The following COL8A2 variants were observed in gnomAD, a reference collection of about 807,000 sequenced individuals.
The protein encoded by COL8A2 is collagen alpha-2(VIII) chain.
In COL8A2, 16 loss-of-function variants were observed where a neutral mutation model predicts 24.0. That is an observed-to-expected ratio of 0.67 (90% CI 0.45 to 1.01). The LOEUF is 1.01. Ranked by LOEUF, COL8A2 falls within the 50% of genes least tolerant of loss-of-function variation. The pLI is 0.00. For synonymous variants in COL8A2, 466 were observed against 424.5 expected (o/e 1.10, Z -1.20); for missense variants, 818 against 942.4 (o/e 0.87, Z 1.73).
chr1:36,102,115 G>C (rs1643686098), intron 2 of COL8A2, among the ~76,000 whole-genome samples: 1 of 152,116 alleles, frequency 6.6e-6, no homozygotes, highest in African/African-American at 2.4e-5. Flanking sequence ...GGAGGTGGAG[G>C]TTGCAGTGAG....
rs1248228312 is a variant in COL8A2, at chr1:36,098,816, G to C, written c.865C>G (p.Pro289Ala). The stretch of plus-strand genomic sequence containing the variant: ...GCCCCTGATGGGCCCTGTGGTCCTG[G>C]CAACCCTGCTGCCCCTGGGACTCCC... Reference protein sequence around the residue: ...GVGVPGAAGLPGPQGPSGAKG... With the variant: ...GVGVPGAAGLAGPQGPSGAKG... Residue 289 changes from proline (P) to alanine (A), a missense_variant, in exon 4 of 4, where the codon CCA becomes GCA. Coordinates refer to ENST00000397799, the MANE Select transcript of COL8A2 (RefSeq NM_005202.4). 1.9e-6 allele frequency: 3 copies of C among 1,612,170 alleles called. No individual in the cohort carries two copies. Among genetic ancestry groups the C allele is most frequent in the Non-Finnish European group, 2.5e-6 (3 of 1,179,724 alleles).
chr1:36,116,767 G>A (rs1383752490), intron 1 of COL8A2, among the ~76,000 whole-genome samples: 1 of 152,202 alleles, frequency 6.6e-6, no homozygotes, highest in Non-Finnish European at 1.5e-5. Context: ...GCTGTGGGAT[G>A]GGGAGGCTGG....
rs1322955953 is a variant in COL8A2, at chr1:36,115,934, C to A, written c.-61-182G>T. On this transcript the variant is annotated intron_variant, in intron 1 of 3. Transcript: ENST00000397799. This position sits in a 1 kb window ranked among gnomAD's most constrained non-coding sequence, Gnocchi z 5.7. Reference sequence around the variant, plus strand: ...AAAAAATTAGCTGGGCATGATGGTGCACGCCTATAGTCCCAGCTACTTAGG... The same window carrying A: ...AAAAAATTAGCTGGGCATGATGGTGAACGCCTATAGTCCCAGCTACTTAGG... Among the ~76,000 whole-genome samples, 3 of 151,870 alleles carry A rather than the reference C, an allele frequency of 2.0e-5. No individual in the cohort carries two copies. The highest frequency in any genetic ancestry group is 7.3e-5 in the African/African-American group (3 of 41,314).
intron 2 of COL8A2, among the ~76,000 whole-genome samples, chr1:36,108,519 T>A (rs956989343): frequency 6.6e-6 from 1 of 152,216 alleles, no homozygotes; most frequent in African/African-American, 2.4e-5. Context: ...GACGGCGCAG[T>A]GGCGGCCTCG....
Position 36,097,799 on chromosome 1 carries a change from C to T in COL8A2, c.1882G>A (p.Val628Ile), listed in dbSNP as rs200185433. ...GCCACCCACACGTTGGTGCCCTTGACGTGCACATGGTAAGCAAAGTAGTAG... is the reference window on the plus strand; with the variant it reads ...GCCACCCACACGTTGGTGCCCTTGATGTGCACATGGTAAGCAAAGTAGTAG... ...GVYYFAYHVH[V>I]KGTNVWVALY... The change falls in exon 4 of 4, where the codon GTC (valine) becomes ATC (isoleucine). Residue 628 changes from valine (V) to isoleucine (I), a missense_variant. Val to Ile is a conservative substitution (Grantham distance 29). This residue lies in a region of COL8A2 where 235 missense variants were observed against 297.3 expected (regional missense o/e 0.79). Coordinates refer to ENST00000397799, the MANE Select transcript of COL8A2 (RefSeq NM_005202.4). 2.9e-5 allele frequency: 47 copies of T among 1,613,770 alleles called. No homozygotes were observed. The highest frequency in any genetic ancestry group is 1.6e-4 in the Middle Eastern group (1 of 6,062).
Position 36,097,585 on chromosome 1 carries a change from A to G in COL8A2, c.2096T>C (p.Leu699Ser). The G allele has an allele frequency of 6.2e-7, 1 of 1,609,290 alleles. No individual in the cohort carries two copies. The highest frequency in any genetic ancestry group is 8.5e-7 in the Non-Finnish European group (1 of 1,177,250). Reference protein sequence around the residue: ...EYIHSSFSGFLLCPT With the variant: ...EYIHSSFSGFSLCPT ...CCCCGCGGGTTATGTGGGGCAGAGCAAGAATCCTGAAAAGGAGGAGTGGAT... is the reference window on the plus strand; with the variant it reads ...CCCCGCGGGTTATGTGGGGCAGAGCGAGAATCCTGAAAAGGAGGAGTGGAT... Residue 699 changes from leucine to serine, a missense_variant, in exon 4 of 4, where the codon TTG (leucine) becomes TCG (serine). This residue lies in a region of COL8A2 where 235 missense variants were observed against 297.3 expected (regional missense o/e 0.79). Transcript: ENST00000397799.
intron 2 of COL8A2, among the ~76,000 whole-genome samples, chr1:36,112,739 C>T (rs534944053): frequency 1.3e-5 from 2 of 152,352 alleles, no homozygotes; most frequent in South Asian, 4.1e-4. Flanking sequence ...GAGACTCCCA[C>T]AATGCTTCTA....
Position 36,098,199 on chromosome 1 carries a change from C to T in COL8A2, c.1482G>A (p.Glu494=), listed in dbSNP as rs989362241. The change falls in exon 4 of 4, where the codon GAG becomes GAA. Residue 494 remains glutamate, a synonymous_variant. Coordinates refer to ENST00000397799, the MANE Select transcript of COL8A2 (RefSeq NM_005202.4). The part of the protein sequence containing the change: ...GEPGLPGPPG[E]GRAGEPGTAG... ...CCGTGCCAGGTTCCCCTGCTCTCCC[C>T]TCTCCAGGGGGCCCTGGCAGGCCTG... The T allele has an allele frequency of 3.9e-6, 6 of 1,536,914 alleles. No homozygotes were observed. Among genetic ancestry groups the T allele is most frequent in the African/African-American group, 1.4e-5 (1 of 72,738 alleles).
At position 36,123,640 on chromosome 1, in the gene COL8A2, A is replaced by G. The variant is rs952455964; in HGVS notation, c.-62+1417T>C. ...TCTGTAGGAGTTTGGGTGTGTGTGC[A>G]TGTGTCCGCCTGTGTCTTGTGGTGG... is the stretch of plus-strand genomic sequence containing the variant. On this transcript the variant is annotated intron_variant, in intron 1 of 3. Coordinates refer to ENST00000397799, the MANE Select transcript of COL8A2 (RefSeq NM_005202.4). This position sits in a 1 kb window ranked among gnomAD's most constrained non-coding sequence, Gnocchi z 4.1. Among the ~76,000 whole-genome samples the G allele has an allele frequency of 2.0e-5, 3 of 151,880 alleles. No individual in the cohort carries two copies. Among genetic ancestry groups the G allele is most frequent in the African/African-American group, 7.3e-5 (3 of 41,310 alleles).
intron 2 of COL8A2, among the ~76,000 whole-genome samples, chr1:36,105,007 C>T (rs748476596): frequency 2.6e-5 from 4 of 152,048 alleles, no homozygotes; most frequent in Non-Finnish European, 5.9e-5. Context: ...TACGCAGGGA[C>T]CTCTCTGCAT....
In COL8A2 at chr1:36,123,318, G is replaced by A. The variant is rs1643927605; in HGVS notation, c.-62+1739C>T. Among the ~76,000 whole-genome samples the A allele has an allele frequency of 6.6e-6, 1 of 152,266 alleles. No individual in the cohort carries two copies. ...GGGCCAGCAGGGCAAGGAAGCTGGG[G>A]CTGTGCGTCCTTTGTTCCGGCTCAG... On this transcript the variant is annotated intron_variant, in intron 1 of 3. Coordinates refer to ENST00000397799, the MANE Select transcript of COL8A2 (RefSeq NM_005202.4). This position sits in a 1 kb window ranked among gnomAD's most constrained non-coding sequence, Gnocchi z 4.1.
rs546047592 is a variant in COL8A2, at chr1:36,096,253, T to C, written c.*1316A>G. 6.6e-6 allele frequency: 1 copy of C among 152,412 alleles called. No individual in the cohort carries two copies. The highest frequency in any genetic ancestry group is 2.4e-5 in the African/African-American group (1 of 41,596). The allele number at this position is 152,412 out of a possible 1,614,324, so 9.4% of individuals were successfully genotyped here. On this transcript the variant is annotated 3_prime_UTR_variant, in exon 4 of 4. Coordinates refer to ENST00000397799, the MANE Select transcript of COL8A2 (RefSeq NM_005202.4). ...CTCATCTCAGCCTTATCCACTCCGCTTGACGTAGGGACTGAGGGGTTGGGA... is the reference window on the plus strand; with the variant it reads ...CTCATCTCAGCCTTATCCACTCCGCCTGACGTAGGGACTGAGGGGTTGGGA...
At chr1:36,104,423 C>G (rs991314078) in intron 2 of COL8A2, among the ~76,000 whole-genome samples, 1 of 151,930 alleles carries the variant, frequency 6.6e-6, no homozygotes, top group Non-Finnish European at 1.5e-5. Context: ...ACCAGAGAGG[C>G]GGAGGTTCCA....
At chr1:36,106,757 C>T (rs1643768132) in intron 2 of COL8A2, among the ~76,000 whole-genome samples, 1 of 152,180 alleles carries the variant, frequency 6.6e-6, no homozygotes, top group South Asian at 2.1e-4. Context: ...CAGGCGGCAC[C>T]CCCGCAAGCT....
chr1:36,124,200 C>T (rs1031039801), intron 1 of COL8A2, among the ~76,000 whole-genome samples: 20 of 152,276 alleles, frequency 1.3e-4, no homozygotes, highest in African/African-American at 4.8e-4. Context: ...GGAGGTCAGC[C>T]GCACGTCTGT....
chr1:36,099,176 T>C lies in COL8A2; in HGVS notation c.505A>G (p.Ile169Val), dbSNP rs1444467990. 22 of 1,505,034 alleles carry C rather than the reference T, an allele frequency of 1.5e-5. No homozygotes were observed. Among genetic ancestry groups the C allele is most frequent in the East Asian group, 2.4e-5 (1 of 41,006 alleles). 93.2% of individuals were successfully genotyped at this position (1,505,034 alleles called of 1,614,324 possible). A position where few individuals can be genotyped will look rare whatever the true frequency, so the allele number is the denominator to read the frequency against. ...GPPGLPGPSG[I>V]TIPGKPGAQG... The stretch of plus-strand genomic sequence containing the variant: ...GCACCTGGTTTTCCAGGGATAGTAA[T>C]GCCTGAGGGGCCCGGGAGGCCAGGG... The change falls in exon 4 of 4, where the codon ATT becomes GTT. Residue 169 changes from isoleucine (I) to valine (V), a missense_variant. Around this residue, in one of 3 missense-constraint regions of COL8A2, gnomAD observed 573 missense variants for 616.8 expected, o/e 0.93. Coordinates refer to ENST00000397799, the MANE Select transcript of COL8A2 (RefSeq NM_005202.4).
intron 1 of COL8A2, among the ~76,000 whole-genome samples, chr1:36,119,820 C>A (rs113734110): frequency 6.6e-6 from 1 of 152,152 alleles, no homozygotes; most frequent in Non-Finnish European, 1.5e-5. Context: ...GACCCCTCTA[C>A]CCCGCAATCT....
At chr1:36,112,575 T>C (rs571647401) in intron 2 of COL8A2, among the ~76,000 whole-genome samples, 1 of 152,228 alleles carries the variant, frequency 6.6e-6, no homozygotes, top group South Asian at 2.1e-4. Flanking sequence ...AAGGCAGACC[T>C]TGTATTCCCC....
rs1643862494 is a variant in COL8A2, at chr1:36,112,997, C to G, written c.-17+2711G>C. Reference sequence around the variant, plus strand: ...GTTATTCTGCAATTCACATGGCTTCCTGGAGGAGGAGGCATGCTTTAGACT... The same window carrying G: ...GTTATTCTGCAATTCACATGGCTTCGTGGAGGAGGAGGCATGCTTTAGACT... On this transcript the variant is annotated intron_variant, in intron 2 of 3. Coordinates refer to ENST00000397799, the MANE Select transcript of COL8A2 (RefSeq NM_005202.4). Among the ~76,000 whole-genome samples the G allele has an allele frequency of 2.0e-5, 3 of 152,130 alleles. No individual in the cohort carries two copies. In the South Asian group the frequency reaches 6.2e-4, roughly 31 times the overall value.
Sources: allele counts gnomAD v4.1 joint callset (sites outside exome capture counted in the v4.1 genomes callset), GRCh38; gene constraint gnomAD v4.1.1; regional missense constraint gnomAD v4.1.1; non-coding constraint Gnocchi (gnomAD v3.1); transcripts MANE v1.5; gene names NCBI Gene and HGNC (gene_info 2026-07-23, HGNC 2026-07-21).